Variants in RBFOX1 observed in about 807,000 individuals in gnomAD.
RBFOX1 encodes RNA binding fox-1 homolog 1, also known as RNA binding protein fox-1 homolog 1.
A neutral mutation model predicts 57.7 loss-of-function variants in RBFOX1; 8 were observed. That is an observed-to-expected ratio of 0.14 (90% CI 0.08 to 0.25). RBFOX1 has a LOEUF of 0.25. RBFOX1 is among the 10% of genes least tolerant of loss of function. The probability of loss-of-function intolerance (pLI) is 1.00; values close to 1 mark genes in which losing one functional copy is unlikely to be tolerated. For missense variants in RBFOX1, 611 were observed against 548.5 expected (o/e 1.11, Z -1.14); for synonymous variants, 326 against 222.4 (o/e 1.47, Z -4.15).
At chr16:5,776,224 G>A (rs1296434779) in intron 3 of RBFOX1, among the ~76,000 whole-genome samples, 5 of 152,228 alleles carry the variant, frequency 3.3e-5, no homozygotes, top group Admixed American at 6.5e-5. Context: ...AAATATTTCC[G>A]AGGAGTATTT....
intron 2 of RBFOX1, among the ~76,000 whole-genome samples, chr16:6,338,275 C>G (rs896095983): frequency 9.9e-5 from 15 of 152,258 alleles, no homozygotes; most frequent in East Asian, 1.9e-4. Flanking sequence ...TAATTATAAG[C>G]TTTTGAAGGG....
chr16:6,819,463 G>T (rs2090835834), intron 3 of RBFOX1, among the ~76,000 whole-genome samples: 1 of 152,040 alleles, frequency 6.6e-6, no homozygotes, highest in Admixed American at 6.6e-5. Context: ...CAGTACTTAG[G>T]GAGGCCCAGG....
chr16:7,407,396 G>GTGTGTGTGTGTGTGTA (rs2098363264), intron 4 of RBFOX1, among the ~76,000 whole-genome samples: 2 of 150,598 alleles, frequency 1.3e-5, no homozygotes, highest in African/African-American at 4.9e-5. Flanking sequence ...GTGTGTGTGT[G>GTGTGTGTGTGTGTGTA]TGTGTGTGTA....
intron 5 of RBFOX1, among the ~76,000 whole-genome samples, chr16:7,577,033 C>T (rs1283378063): frequency 6.6e-6 from 1 of 152,184 alleles, no homozygotes; most frequent in African/African-American, 2.4e-5. Flanking sequence ...GCGGAGAAAA[C>T]GCAAATTCTG....
chr16:5,820,473 A>G (rs1444116222), intron 3 of RBFOX1, among the ~76,000 whole-genome samples: 1 of 152,180 alleles, frequency 6.6e-6, no homozygotes, highest in Non-Finnish European at 1.5e-5. Flanking sequence ...TAGCAGCACC[A>G]GAGCTGCAGC....
At chr16:7,109,077 T>G (rs955223080) in intron 4 of RBFOX1, among the ~76,000 whole-genome samples, 1 of 152,166 alleles carries the variant, frequency 6.6e-6, no homozygotes, top group South Asian at 2.1e-4. Flanking sequence ...AATTTATTGA[T>G]GAGCAGGGGA....
intron 3 of RBFOX1, among the ~76,000 whole-genome samples, chr16:6,765,624 C>A (rs76550704): frequency 1.3e-5 from 2 of 152,118 alleles, no homozygotes; most frequent in African/African-American, 4.8e-5. Flanking sequence ...GTCTACCATT[C>A]GGTACAGCAA....
intron 4 of RBFOX1, among the ~76,000 whole-genome samples, chr16:7,179,515 T>A: frequency 6.6e-6 from 1 of 152,184 alleles, no homozygotes; most frequent in East Asian, 1.9e-4. Context: ...ACCAATTAAT[T>A]ATGTTTGCTG....
intron 12 of RBFOX1, among the ~76,000 whole-genome samples, chr16:7,654,717 G>C (rs2065899405): frequency 6.6e-6 from 1 of 152,152 alleles, no homozygotes; most frequent in Non-Finnish European, 1.5e-5. Context: ...GCTCCTGCTA[G>C]AATATTCTTG....
intron 1 of RBFOX1, among the ~76,000 whole-genome samples, chr16:6,236,439 AT>A (rs34039278): frequency 1.1e-3 from 166 of 145,064 alleles, no homozygotes; most frequent in Admixed American, 2.7e-3. Context: ...TATGATGTTT[AT>A]TTTTTTTTTT....
intron 3 of RBFOX1, among the ~76,000 whole-genome samples, chr16:6,769,629 G>A (rs2077968079): frequency 1.3e-5 from 2 of 152,190 alleles, no homozygotes; most frequent in Admixed American, 1.3e-4. Flanking sequence ...TCCAAATGAT[G>A]ACTGTTGGCT....
chr16:6,986,598 C>G (rs372240023), intron 3 of RBFOX1, among the ~76,000 whole-genome samples: 1 of 152,164 alleles, frequency 6.6e-6, no homozygotes, highest in African/African-American at 2.4e-5. Context: ...GGCCCAGAAT[C>G]ACCAGTTTTT....
chr16:7,378,773 C>A (rs1319313273), intron 4 of RBFOX1, among the ~76,000 whole-genome samples: 1 of 152,196 alleles, frequency 6.6e-6, no homozygotes, highest in Non-Finnish European at 1.5e-5. Context: ...CTGCAGAACA[C>A]GGACACTCTT....
intron 2 of RBFOX1, among the ~76,000 whole-genome samples, chr16:6,612,350 T>C (rs1269037136): frequency 6.6e-6 from 1 of 152,184 alleles, no homozygotes; most frequent in African/African-American, 2.4e-5. Context: ...ACGTTTTTAA[T>C]AAAACCAACA....
chr16:7,115,338 G>A (rs565392840), intron 4 of RBFOX1, among the ~76,000 whole-genome samples: 2 of 152,232 alleles, frequency 1.3e-5, no homozygotes, highest in East Asian at 1.9e-4. Context: ...GCATGGAAGC[G>A]AATAAGAAAT....
chr16:5,641,356 G>A (rs2048868498), intron 3 of RBFOX1, among the ~76,000 whole-genome samples: 1 of 152,220 alleles, frequency 6.6e-6, no homozygotes, highest in African/African-American at 2.4e-5. Flanking sequence ...GGAAAATTAT[G>A]CAATAAACTA....
Position 6,401,820 on chromosome 16 carries a change from C to G in RBFOX1, c.-64+84763C>G, listed in dbSNP as rs548810159. The stretch of plus-strand genomic sequence containing the variant: ...TAGAAAATGATTATTTCTTGGGCAG[C>G]TATTGCATTTATGGGATCCATTTTA... On this transcript the variant is annotated intron_variant, in intron 2 of 15. Coordinates refer to ENST00000550418, the MANE Select transcript of RBFOX1 (RefSeq NM_018723.4). 8.0e-4 allele frequency among the ~76,000 whole-genome samples: 122 copies of G among 151,732 alleles called. 1 individual carries two copies. The highest frequency in any genetic ancestry group is 9.3e-4 in the Non-Finnish European group (63 of 67,968).
chr16:7,140,820 A>G (rs1456416876), intron 4 of RBFOX1, among the ~76,000 whole-genome samples: 2 of 151,792 alleles, frequency 1.3e-5, no homozygotes, highest in African/African-American at 4.8e-5. Flanking sequence ...ATGGATTTCA[A>G]AGATCCACAC....
intron 4 of RBFOX1, among the ~76,000 whole-genome samples, chr16:7,499,346 C>T (rs8056988): frequency 0.053 from 8,058 of 152,196 alleles, 250 homozygotes; most frequent in East Asian, 0.1. Context: ...CATATGGATT[C>T]AGAAGCCCAC....
Sources: allele counts gnomAD v4.1 joint callset (sites outside exome capture counted in the v4.1 genomes callset), GRCh38; gene constraint gnomAD v4.1.1; transcripts MANE v1.5; gene names NCBI Gene and HGNC (gene_info 2026-07-23, HGNC 2026-07-21).